Variants in PCDHA7 observed in about 807,000 individuals in gnomAD.
PCDHA7 encodes the protein protocadherin alpha 7, also known as protocadherin alpha-7.
Under a neutral mutation model 57.2 loss-of-function variants are expected in PCDHA7, and 37 were observed. The observed-to-expected ratio is 0.65, with a 90% CI of 0.50 to 0.85. The LOEUF is 0.85. Ranked by LOEUF, PCDHA7 falls within the 40% of genes least tolerant of loss-of-function variation. The pLI is 0.00. For missense variants in PCDHA7, 1,188 were observed against 1,241.8 expected (o/e 0.96, Z 0.65); for synonymous variants, 553 against 558.8 (o/e 0.99, Z 0.15).
At chr5:140,975,675 T>C (rs1047804393) in intron 1 of PCDHA7, among the ~76,000 whole-genome samples, 3 of 152,240 alleles carry the variant, frequency 2.0e-5, no homozygotes, top group Non-Finnish European at 2.9e-5. Context: ...AGTTTATTAA[T>C]AAAATAGGGT....
intron 2 of PCDHA7, among the ~76,000 whole-genome samples, chr5:140,981,175 T>C (rs1350828084): frequency 6.6e-6 from 1 of 152,238 alleles, no homozygotes; most frequent in African/African-American, 2.4e-5. Context: ...TTCCCTCTAA[T>C]AGTTCAAGTT....
intron 1 of PCDHA7, among the ~76,000 whole-genome samples, chr5:140,978,640 G>T (rs1339340351): frequency 6.6e-6 from 1 of 152,252 alleles, no homozygotes; most frequent in African/African-American, 2.4e-5. Flanking sequence ...TCTCAAAGCA[G>T]ACTGTTCTTC....
intron 1 of PCDHA7, among the ~76,000 whole-genome samples, chr5:140,965,277 G>A (rs1209263426): frequency 6.6e-6 from 1 of 152,196 alleles, no homozygotes; most frequent in African/African-American, 2.4e-5. Context: ...CAATGACACA[G>A]CATGGAAAGA....
intron 1 of PCDHA7, chr5:140,926,536 G>T (rs1420585785): frequency 4.6e-6 from 1 of 217,790 alleles, no homozygotes. Flanking sequence ...CGCAGCCAGC[G>T]TGGTGGTCGA....
At chr5:140,971,624 T>C (rs2153790714) in intron 1 of PCDHA7, among the ~76,000 whole-genome samples, 1 of 152,254 alleles carries the variant, frequency 6.6e-6, no homozygotes, top group East Asian at 1.9e-4. Flanking sequence ...TGGGGTACAA[T>C]TAGTACCATG....
At chr5:140,882,424 G>C in intron 1 of PCDHA7, 1 of 1,614,114 alleles carries the variant, frequency 6.2e-7, no homozygotes, top group Non-Finnish European at 8.5e-7. Context: ...CTCAGGACCT[G>C]GGGCTGGAGC....
chr5:140,888,572 A>G (rs1354616132), intron 1 of PCDHA7, among the ~76,000 whole-genome samples: 1 of 152,196 alleles, frequency 6.6e-6, no homozygotes, highest in Admixed American at 6.5e-5. Context: ...GCTTCATTTT[A>G]AGATTTGTTA....
In PCDHA7 at chr5:140,836,424, C is replaced by G. The variant is rs2150260544; in HGVS notation, c.2041C>G (p.Arg681Gly). The change falls in exon 1 of 4, where the codon CGG (arginine) becomes GGG (glycine). Residue 681 changes from arginine to glycine, a missense_variant. Arg to Gly is a moderately radical substitution (Grantham distance 125). Transcript: ENST00000525929. ...CGGCCAGGCACCAAAGGCGTCGTCG[C>G]GGGCATCGTTGGGCATTGCAGGCCC... is the stretch of plus-strand genomic sequence containing the variant. ...ESGQAPKASS[R>G]ASLGIAGPET... 6.2e-7 allele frequency: 1 copy of G among 1,613,814 alleles called. No individual in the cohort carries two copies. Among genetic ancestry groups the G allele is most frequent in the Non-Finnish European group, 8.5e-7 (1 of 1,179,858 alleles).
chr5:140,978,836 A>G (rs891146888), intron 1 of PCDHA7, 113 bp from the exon 2 acceptor site: 1 of 1,552,522 alleles, frequency 6.4e-7, no homozygotes, highest in Non-Finnish European at 8.7e-7. Context: ...GGCTCATTCA[A>G]TACTTTTTTA....
At chr5:140,990,981 A>G (rs1554251870) in intron 3 of PCDHA7, among the ~76,000 whole-genome samples, 1 of 152,206 alleles carries the variant, frequency 6.6e-6, no homozygotes, top group Non-Finnish European at 1.5e-5. Context: ...AGAAAGGAAG[A>G]CAATAGCTAC....
intron 3 of PCDHA7, among the ~76,000 whole-genome samples, chr5:140,999,171 C>T (rs1482438264): frequency 1.3e-5 from 2 of 152,054 alleles, no homozygotes; most frequent in African/African-American, 4.8e-5. Context: ...AGGAAAAGAG[C>T]CTGATGGGGA....
chr5:140,862,294 T>G, intron 1 of PCDHA7: 1 of 269,096 alleles, frequency 3.7e-6, no homozygotes, highest in Non-Finnish European at 7.3e-6. Context: ...AGGAGGACGC[T>G]CCACTGGGTA....
intron 1 of PCDHA7, among the ~76,000 whole-genome samples, chr5:140,919,172 A>G (rs144962710): frequency 6.6e-6 from 1 of 152,282 alleles, no homozygotes; most frequent in African/African-American, 2.4e-5. Flanking sequence ...TTTAGTTGCT[A>G]TATCTTCCTG....
chr5:140,850,705 C>T, intron 1 of PCDHA7: 1 of 1,597,920 alleles, frequency 6.3e-7, no homozygotes, highest in South Asian at 1.1e-5. Context: ...CCTGGCAAGC[C>T]GACGCTGGTG....
chr5:140,848,909 G>A lies in PCDHA7; in HGVS notation c.2355+12171G>A, dbSNP rs2150424301. On this transcript the variant is annotated intron_variant, in intron 1 of 3. Coordinates refer to ENST00000525929, the MANE Select transcript of PCDHA7 (RefSeq NM_018910.3). ...CTCCAGTGTTCCCAGCGACACAAAA[G>A]AATCTGTTCATCGCGGAATCCAGGC... 5 of 1,608,122 alleles carry A rather than the reference G, an allele frequency of 3.1e-6. No homozygotes were observed. In the African/African-American group the frequency reaches 4.1e-5, roughly 13 times the overall value.
At chr5:140,857,915 G>C in intron 1 of PCDHA7, 4 of 1,597,912 alleles carry the variant, frequency 2.5e-6, no homozygotes, top group Non-Finnish European at 3.4e-6. Context: ...CCCGTTTCGC[G>C]TGGGGCTGTA....
chr5:140,855,043 A>T (rs1177113480), intron 1 of PCDHA7, among the ~76,000 whole-genome samples: 2 of 149,900 alleles, frequency 1.3e-5, no homozygotes, highest in African/African-American at 4.9e-5. Flanking sequence ...TTTTTCTGTA[A>T]TAGTACTTTT....
intron 1 of PCDHA7, chr5:140,842,100 C>G: frequency 1.2e-6 from 2 of 1,613,850 alleles, no homozygotes; most frequent in Non-Finnish European, 1.7e-6. Flanking sequence ...AACGGAACAA[C>G]AGTTATCAAA....
intron 1 of PCDHA7, chr5:140,967,425 C>A (rs1218574888): frequency 1.2e-6 from 2 of 1,613,178 alleles, no homozygotes; most frequent in Non-Finnish European, 1.7e-6. Context: ...CGGGAGCAGG[C>A]AGCCTTGCAC....
Sources: gnomAD v4.1 joint callset for allele counts (sites outside exome capture counted in the v4.1 genomes callset) on GRCh38, gnomAD v4.1.1 for gene constraint, MANE v1.5 for transcripts, NCBI Gene and HGNC (gene_info 2026-07-23, HGNC 2026-07-21) for gene names.